CSMD1: variants seen among roughly 807,000 people sequenced by gnomAD.
CSMD1 encodes CUB and sushi domain-containing protein 1.
A neutral mutation model predicts 417.5 loss-of-function variants in CSMD1; 213 were observed. That is an observed-to-expected ratio of 0.51 (90% confidence interval 0.46 to 0.57). The LOEUF (loss-of-function observed/expected upper bound fraction) is 0.57, where lower values mean the gene tolerates loss of function less well. CSMD1 is among the 20% of genes least tolerant of loss of function. The pLI is 0.00. For missense variants in CSMD1, 6,923 were observed against 4,529.7 expected (o/e 1.53, Z -15.17); for synonymous variants, 2,862 against 1,736.8 (o/e 1.65, Z -16.11).
At chr8:4,799,260 A>C (rs1304421433) in intron 1 of CSMD1, among the ~76,000 whole-genome samples, 1 of 152,212 alleles carries the variant, frequency 6.6e-6, no homozygotes, top group Non-Finnish European at 1.5e-5. Flanking sequence ...GTAGCTCACC[A>C]GTTCATAAAA....
At chr8:4,226,438 C>G (rs545091462) in intron 3 of CSMD1, among the ~76,000 whole-genome samples, 1 of 152,098 alleles carries the variant, frequency 6.6e-6, no homozygotes, top group African/African-American at 2.4e-5. Flanking sequence ...TAATTCAGCA[C>G]ACAAAAACAG....
chr8:3,935,198 A>T (rs543938399), intron 5 of CSMD1, among the ~76,000 whole-genome samples: 5 of 152,338 alleles, frequency 3.3e-5, no homozygotes, highest in African/African-American at 1.2e-4. Context: ...TCTTACTAAT[A>T]ACAAAGCTCC....
At chr8:4,538,573 T>C (rs143212351) in intron 2 of CSMD1, among the ~76,000 whole-genome samples, 5 of 151,616 alleles carry the variant, frequency 3.3e-5, no homozygotes, top group South Asian at 2.1e-4. Context: ...AACCCAGGAG[T>C]TGGACGTTGC....
chr8:4,384,629 T>G (rs541855721), intron 3 of CSMD1, among the ~76,000 whole-genome samples: 1 of 152,292 alleles, frequency 6.6e-6, no homozygotes, highest in East Asian at 1.9e-4. Flanking sequence ...GATTTTTTTT[T>G]GTTATTCAAC....
Position 3,471,747 on chromosome 8 carries a change from A to AT in CSMD1, c.1449-2924dup, listed in dbSNP as rs201374073. ...TTGCTTTCTGTTATCATTCCCTAAG[A>AT]TAAGTGAATATATAAAAGAAAAATA... On this transcript the variant is annotated intron_variant, in intron 11 of 69. Transcript: ENST00000635120. Among the ~76,000 whole-genome samples, 1,013 of 150,322 alleles carry AT rather than the reference A, an allele frequency of 6.7e-3. 15 individuals are homozygous for AT. The highest frequency in any genetic ancestry group is 0.023 in the African/African-American group (928 of 40,854).
At chr8:3,137,952 C>T (rs1818203377) in intron 41 of CSMD1, among the ~76,000 whole-genome samples, 1 of 152,208 alleles carries the variant, frequency 6.6e-6, no homozygotes, top group South Asian at 2.1e-4. Context: ...CGGCTGGGCG[C>T]AGTGGCTCAT....
chr8:4,851,511 C>G (rs1213812749), intron 1 of CSMD1, among the ~76,000 whole-genome samples: 1 of 151,982 alleles, frequency 6.6e-6, no homozygotes, highest in African/African-American at 2.4e-5. Flanking sequence ...GCTTCTCACT[C>G]CCCTATACAT....
intron 3 of CSMD1, among the ~76,000 whole-genome samples, chr8:4,077,902 C>G (rs1280334422): frequency 1.3e-5 from 2 of 152,088 alleles, no homozygotes; most frequent in Admixed American, 1.3e-4. Context: ...TAGCAATGTC[C>G]TTCCCGAAGA....
chr8:3,692,267 C>A (rs1800290952), intron 7 of CSMD1, among the ~76,000 whole-genome samples: 1 of 152,166 alleles, frequency 6.6e-6, no homozygotes, highest in Non-Finnish European at 1.5e-5. Flanking sequence ...CCTGCGATTT[C>A]ACCAGCACCA....
chr8:3,201,830 C>T (rs563076113), intron 31 of CSMD1, 105 bp from the exon 32 acceptor site: 1 of 432,640 alleles, frequency 2.3e-6, no homozygotes, highest in Non-Finnish European at 3.8e-6. Flanking sequence ...GGATCATTAT[C>T]CTAAGAATTT....
chr8:3,781,033 C>T (rs2720751), intron 5 of CSMD1, among the ~76,000 whole-genome samples: 95,758 of 151,940 alleles, frequency 0.63, 30,714 homozygotes, highest in East Asian at 0.75. Context: ...GTAGGGGAAA[C>T]TGAAATCTAA....
In CSMD1 at chr8:4,945,930, C is replaced by T. The variant is rs892064728; in HGVS notation, c.85+48402G>A. 2.0e-5 allele frequency among the ~76,000 whole-genome samples: 3 copies of T among 152,304 alleles called. 1 individual carries two copies. In the East Asian group the frequency reaches 5.8e-4, roughly 29 times the overall value. ...TCGAAGAAAACAGAATGTTATCAAA[C>T]TCCGCTGGGAGCTATGTGCAAGAAA... On this transcript the variant is annotated intron_variant, in intron 1 of 69. Coordinates refer to ENST00000635120, the MANE Select transcript of CSMD1 (RefSeq NM_033225.6).
intron 26 of CSMD1, among the ~76,000 whole-genome samples, chr8:3,253,809 G>C (rs959220558): frequency 6.6e-6 from 1 of 152,124 alleles, no homozygotes; most frequent in Non-Finnish European, 1.5e-5. Context: ...GCACACTGTA[G>C]GGTCTTGACT....
At chr8:3,446,259 C>T (rs189002138) in intron 12 of CSMD1, among the ~76,000 whole-genome samples, 3 of 152,322 alleles carry the variant, frequency 2.0e-5, no homozygotes, top group East Asian at 1.9e-4. Flanking sequence ...TCTCAGAAAT[C>T]GGAAACGTGT....
chr8:3,605,613 C>G (rs754128477), intron 8 of CSMD1, among the ~76,000 whole-genome samples: 1 of 151,938 alleles, frequency 6.6e-6, no homozygotes, highest in Non-Finnish European at 1.5e-5. Context: ...TTTCTCCTTC[C>G]GTTTGATGAC....
Position 4,202,392 on chromosome 8 carries a change from A to G in CSMD1, c.416-170293T>C, listed in dbSNP as rs145619030. Reference sequence around the variant, plus strand: ...GCACACTTTTTTCTTCTAACAGTTCATTCTTAAGCTTTTTCACAAGAATGG... The same window carrying G: ...GCACACTTTTTTCTTCTAACAGTTCGTTCTTAAGCTTTTTCACAAGAATGG... On this transcript the variant is annotated intron_variant, in intron 3 of 69. Transcript: ENST00000635120. Among the ~76,000 whole-genome samples the G allele has an allele frequency of 3.5e-3, 531 of 152,282 alleles. 5 individuals carry two copies. Among genetic ancestry groups the G allele is most frequent in the Admixed American group, 0.026 (396 of 15,294 alleles).
At chr8:2,941,917 T>C (rs1031511853) in intron 69 of CSMD1, among the ~76,000 whole-genome samples, 4 of 152,190 alleles carry the variant, frequency 2.6e-5, no homozygotes, top group East Asian at 3.9e-4. Flanking sequence ...AATGTAGAGA[T>C]AGAATCCTTT....
chr8:4,217,740 C>T (rs989839740), intron 3 of CSMD1, among the ~76,000 whole-genome samples: 9 of 151,988 alleles, frequency 5.9e-5, no homozygotes, highest in South Asian at 2.1e-4. Context: ...CTATACTCTA[C>T]GGTGTTATAG....
intron 2 of CSMD1, among the ~76,000 whole-genome samples, chr8:4,535,616 T>C (rs1797064360): frequency 6.6e-6 from 1 of 152,190 alleles, no homozygotes; most frequent in South Asian, 2.1e-4. Context: ...TGTGAAATTA[T>C]AATATAGTTC....
Sources: gnomAD v4.1 joint callset for allele counts (sites outside exome capture counted in the v4.1 genomes callset) on GRCh38, gnomAD v4.1.1 for gene constraint, MANE v1.5 for transcripts, NCBI Gene and HGNC (gene_info 2026-07-23, HGNC 2026-07-21) for gene names.